Variants in MLLT10 observed in about 807,000 individuals in gnomAD.
The protein encoded by MLLT10 is MLLT10 histone lysine methyltransferase DOT1L cofactor.
A neutral mutation model predicts 129.1 loss-of-function variants in MLLT10; 30 were observed. The ratio of observed to expected loss-of-function variants is 0.23; its 90% CI spans 0.17 to 0.32. The LOEUF is 0.32. Ranked by LOEUF, MLLT10 falls within the 10% of genes least tolerant of loss-of-function variation. MLLT10 has a pLI of 1.00. For missense variants in MLLT10, 1,119 were observed against 1,268.3 expected, an observed-to-expected ratio of 0.88 and a Z score of 1.79; for synonymous variants, 490 against 446.4, an observed-to-expected ratio of 1.10 and a Z score of -1.23.
intron 11 of MLLT10, among the ~76,000 whole-genome samples, chr10:21,678,316 G>C (rs1035964260): frequency 3.3e-5 from 5 of 152,024 alleles, no homozygotes; most frequent in Admixed American, 2.0e-4. Context: ...TGTTGGCCAG[G>C]ACAGTCTCCA....
At chr10:21,632,607 G>C (rs1027976467) in intron 8 of MLLT10, among the ~76,000 whole-genome samples, 1 of 152,146 alleles carries the variant, frequency 6.6e-6, no homozygotes, top group South Asian at 2.1e-4. Flanking sequence ...TAAAAATCTG[G>C]AGAGTCACAA....
At chr10:21,618,081 A>G (rs2045441802) in intron 8 of MLLT10, among the ~76,000 whole-genome samples, 1 of 152,236 alleles carries the variant, frequency 6.6e-6, no homozygotes, top group African/African-American at 2.4e-5. Context: ...GTCAAATGGA[A>G]AAGAATATTT....
At chr10:21,578,608 C>T (rs771187997) in intron 3 of MLLT10, among the ~76,000 whole-genome samples, 16 of 152,084 alleles carry the variant, frequency 1.1e-4, no homozygotes, top group Non-Finnish European at 2.4e-4. Context: ...TTTAGATCTG[C>T]GATTCACTTT....
intron 4 of MLLT10, among the ~76,000 whole-genome samples, chr10:21,592,352 T>C (rs2042584423): frequency 1.3e-5 from 2 of 152,206 alleles, no homozygotes; most frequent in African/African-American, 4.8e-5. Context: ...AAAAAATGTT[T>C]TCTGGCTTTA....
intron 3 of MLLT10, chr10:21,556,737 G>T: frequency 6.2e-7 from 1 of 1,611,558 alleles, no homozygotes; most frequent in Non-Finnish European, 8.5e-7. Context: ...CACCCCCGAT[G>T]CCTGGTGTCT....
chr10:21,722,104 A>C lies in MLLT10; in HGVS notation c.1879-4140A>C, dbSNP rs547109450. 5.3e-5 allele frequency among the ~76,000 whole-genome samples: 8 copies of C among 152,116 alleles called. No homozygotes were observed. In the South Asian group the frequency reaches 8.3e-4, roughly 16 times the overall value. Reference sequence around the variant, plus strand: ...TCTTTCAAATATATATATAAACTTAAGTTTGTTATGGCAGTTTTCTTAATT... The same window carrying C: ...TCTTTCAAATATATATATAAACTTACGTTTGTTATGGCAGTTTTCTTAATT... On this transcript the variant is annotated intron_variant, in intron 14 of 22. Transcript: ENST00000307729.
chr10:21,660,615 C>CAAAAA (rs55685640), intron 9 of MLLT10, among the ~76,000 whole-genome samples: 1 of 41,814 alleles, frequency 2.4e-5, no homozygotes, highest in African/African-American at 1.0e-4. Context: ...GACTCCATCT[C>CAAAAA]AAAAAAAAAA....
chr10:21,539,573 A>G (rs2034722669), intron 3 of MLLT10, among the ~76,000 whole-genome samples: 1 of 151,666 alleles, frequency 6.6e-6, no homozygotes, highest in African/African-American at 2.4e-5. Context: ...AAAGATGGAG[A>G]CCACCCTGGC....
intron 11 of MLLT10, among the ~76,000 whole-genome samples, chr10:21,680,934 C>T (rs1014858853): frequency 4.1e-5 from 6 of 147,916 alleles, no homozygotes; most frequent in African/African-American, 1.5e-4. Context: ...CCATCCTGGG[C>T]AACAGAGTGA....
At chr10:21,616,672 A>G (rs938704982) in intron 7 of MLLT10, among the ~76,000 whole-genome samples, 1 of 152,086 alleles carries the variant, frequency 6.6e-6, no homozygotes, top group East Asian at 1.9e-4. Context: ...AGAAAACTGT[A>G]TACCTTAATA....
rs373956199 is a variant in MLLT10, at chr10:21,741,936, C to T, written c.3163-3C>T. On this transcript the variant is annotated splice_polypyrimidine_tract_variant and splice_region_variant and intron_variant, in intron 22 of 22. Coordinates refer to ENST00000307729, the MANE Select transcript of MLLT10 (RefSeq NM_001195626.3). ...ACGCATCTGCTCTTTTGTTTACCTG[C>T]AGAGACTTAGTGATAAAACTGGGCC... 1.5e-5 allele frequency: 24 copies of T among 1,610,868 alleles called. No homozygotes were observed. Among genetic ancestry groups the T allele is most frequent in the Non-Finnish European group, 2.0e-5 (24 of 1,179,218 alleles).
intron 12 of MLLT10, 37 bp downstream of exon 12, chr10:21,681,413 T>A (rs777129153): frequency 6.9e-7 from 1 of 1,452,178 alleles, no homozygotes; most frequent in Non-Finnish European, 9.7e-7. Flanking sequence ...CCGGGCCTTT[T>A]GTCTCCTCTA....
At position 21,740,249 on chromosome 10, in the gene MLLT10, T is replaced by C. The variant is rs1321597223; in HGVS notation, c.3162+13T>C. 5 of 1,610,446 alleles carry C rather than the reference T, an allele frequency of 3.1e-6. No individual in the cohort carries two copies. Among genetic ancestry groups the C allele is most frequent in the Non-Finnish European group, 4.2e-6 (5 of 1,176,812 alleles). On this transcript the variant is annotated intron_variant, in intron 22 of 22. Transcript: ENST00000307729. ...TCAGAAAGTAGCAGTAAGTATATTT[T>C]CCTTACTACATCTAATGAAACAAGA...
intron 9 of MLLT10, among the ~76,000 whole-genome samples, chr10:21,668,731 T>G (rs913329815): frequency 3.3e-5 from 5 of 152,052 alleles, no homozygotes; most frequent in African/African-American, 1.2e-4. Flanking sequence ...TGATCAAGGG[T>G]GTTCTGTTAA....
chr10:21,611,493 AGTTT>A (rs1049368973), intron 5 of MLLT10, among the ~76,000 whole-genome samples: 3 of 151,910 alleles, frequency 2.0e-5, no homozygotes, highest in African/African-American at 7.3e-5. Flanking sequence ...TTTAGAAATT[AGTTT>A]CTTTTTCAAC....
chr10:21,577,194 A>G (rs1181959022), intron 3 of MLLT10, among the ~76,000 whole-genome samples: 1 of 152,214 alleles, frequency 6.6e-6, no homozygotes, highest in African/African-American at 2.4e-5. Context: ...TAGCATTAGA[A>G]CTTCATTCCC....
intron 8 of MLLT10, among the ~76,000 whole-genome samples, chr10:21,620,583 TACTGTTCATAAGA>T (rs2045712386): frequency 6.6e-6 from 1 of 152,238 alleles, no homozygotes; most frequent in Non-Finnish European, 1.5e-5. Context: ...ATTTTGGTGA[TACTGTTCATAAGA>T]TATACATTGA....
chr10:21,651,977 A>G (rs1589439407), intron 9 of MLLT10, among the ~76,000 whole-genome samples: 1 of 144,342 alleles, frequency 6.9e-6, no homozygotes, highest in Non-Finnish European at 1.5e-5. Flanking sequence ...CTGTGGCACA[A>G]TCTCAGCTCA....
At chr10:21,584,837 T>C (rs1037432068) in intron 3 of MLLT10, among the ~76,000 whole-genome samples, 3 of 151,752 alleles carry the variant, frequency 2.0e-5, no homozygotes, top group African/African-American at 7.3e-5. Flanking sequence ...TATGTATACA[T>C]ACACACATAT....
Sources: gnomAD v4.1 joint callset for allele counts (sites outside exome capture counted in the v4.1 genomes callset) on GRCh38, gnomAD v4.1.1 for gene constraint, MANE v1.5 for transcripts, NCBI Gene and HGNC (gene_info 2026-07-23, HGNC 2026-07-21) for gene names.